Variants in PTPRM observed in about 807,000 individuals in gnomAD.
PTPRM encodes the protein protein tyrosine phosphatase receptor type M.
PTPRM carries 47 observed loss-of-function variants against 186.7 expected under a neutral mutation model. That is an observed-to-expected ratio of 0.25 (90% CI 0.20 to 0.32). The LOEUF is 0.32. PTPRM is among the 10% of genes least tolerant of loss of function. The pLI is 1.00. For synonymous variants in PTPRM, 668 were observed against 674.9 expected (o/e 0.99, Z 0.16); for missense variants, 1,494 against 1,865.0 (o/e 0.80, Z 3.66).
At chr18:8,406,007 A>T in intron 32 of PTPRM, 102 bp from the exon 33 acceptor site, 1 of 1,008,570 alleles carries the variant, frequency 9.9e-7, no homozygotes, top group South Asian at 1.3e-5. Context: ...AAATCCTCCC[A>T]GATTGATGTC....
At chr18:7,720,000 T>C (rs1258365891) in intron 1 of PTPRM, among the ~76,000 whole-genome samples, 1 of 152,068 alleles carries the variant, frequency 6.6e-6, no homozygotes, top group Admixed American at 6.6e-5. Flanking sequence ...AGAGTTTGAG[T>C]CTACCTGGGT....
At chr18:7,676,246 A>G (rs2039332680) in intron 1 of PTPRM, among the ~76,000 whole-genome samples, 1 of 152,086 alleles carries the variant, frequency 6.6e-6, no homozygotes, top group East Asian at 1.9e-4. Flanking sequence ...AAAATTATTT[A>G]TTGTTGCAAT....
chr18:8,045,016 A>T (rs912830020), intron 7 of PTPRM, among the ~76,000 whole-genome samples: 1 of 152,094 alleles, frequency 6.6e-6, no homozygotes, highest in Non-Finnish European at 1.5e-5. Context: ...GTACCCAAGA[A>T]TATACCTAGC....
chr18:7,891,490 A>C (rs1290274440), intron 3 of PTPRM, among the ~76,000 whole-genome samples: 1 of 152,166 alleles, frequency 6.6e-6, no homozygotes, highest in Non-Finnish European at 1.5e-5. Context: ...TGCTTTTTAT[A>C]TAAATGTACT....
intron 1 of PTPRM, among the ~76,000 whole-genome samples, chr18:7,769,881 G>C (rs749912414): frequency 2.0e-5 from 3 of 152,178 alleles, no homozygotes; most frequent in Non-Finnish European, 4.4e-5. Flanking sequence ...GTACACGTGT[G>C]TGTGTGAGAG....
chr18:7,930,063 TA>T (rs1465881806), intron 5 of PTPRM, among the ~76,000 whole-genome samples: 2 of 152,146 alleles, frequency 1.3e-5, no homozygotes, highest in Non-Finnish European at 2.9e-5. Context: ...TGTTTTTGAA[TA>T]TAATCATTTA....
At chr18:8,134,024 T>C (rs2092577987) in intron 13 of PTPRM, among the ~76,000 whole-genome samples, 1 of 152,214 alleles carries the variant, frequency 6.6e-6, no homozygotes, top group Non-Finnish European at 1.5e-5. Context: ...CTGACCTCTC[T>C]AGTGTCAGAT....
chr18:7,769,983 GTTTAGTCGTGA>G (rs1342650147), intron 1 of PTPRM, among the ~76,000 whole-genome samples: 3 of 152,082 alleles, frequency 2.0e-5, no homozygotes, highest in Non-Finnish European at 4.4e-5. Flanking sequence ...TATGACTTGG[GTTTAGTCGTGA>G]TTTAGTCGTG....
chr18:7,669,963 T>C (rs1302968394), intron 1 of PTPRM, among the ~76,000 whole-genome samples: 1 of 152,118 alleles, frequency 6.6e-6, no homozygotes, highest in Non-Finnish European at 1.5e-5. Context: ...AGGCTGGTCT[T>C]GAACTCCTGA....
chr18:8,242,032 G>A (rs2094438331), intron 14 of PTPRM, among the ~76,000 whole-genome samples: 1 of 152,108 alleles, frequency 6.6e-6, no homozygotes, highest in African/African-American at 2.4e-5. Context: ...TACAAGCATA[G>A]CTTTTATTGG....
chr18:7,640,306 T>G (rs958808250), intron 1 of PTPRM, among the ~76,000 whole-genome samples: 8 of 152,198 alleles, frequency 5.3e-5, no homozygotes, highest in African/African-American at 1.9e-4. Flanking sequence ...TCATTCCAAA[T>G]TATCTGATAG....
In PTPRM at chr18:8,202,774, T is replaced by A. The variant is rs1263420356; in HGVS notation, c.2301-41284T>A. Among the ~76,000 whole-genome samples, 7 of 152,188 alleles carry A rather than the reference T, an allele frequency of 4.6e-5. 1 individual carries two copies. The highest frequency in any genetic ancestry group is 4.1e-4 in the South Asian group (2 of 4,824). ...TTTTTCTCCTTGACTCTGTCTCGATTGTCCTGTTCTCTCTCACCTCCTAGG... is the reference window on the plus strand; with the variant it reads ...TTTTTCTCCTTGACTCTGTCTCGATAGTCCTGTTCTCTCTCACCTCCTAGG... On this transcript the variant is annotated intron_variant, in intron 14 of 32. Coordinates refer to ENST00000580170, the MANE Select transcript of PTPRM (RefSeq NM_001105244.2).
At chr18:7,726,162 A>T (rs1395505340) in intron 1 of PTPRM, among the ~76,000 whole-genome samples, 2 of 152,020 alleles carry the variant, frequency 1.3e-5, no homozygotes, top group Non-Finnish European at 2.9e-5. Flanking sequence ...AGTGCACTCC[A>T]TTTCCCGCCT....
intron 19 of PTPRM, among the ~76,000 whole-genome samples, chr18:8,254,482 G>A (rs1164552616): frequency 6.6e-6 from 1 of 152,164 alleles, no homozygotes; most frequent in Non-Finnish European, 1.5e-5. Flanking sequence ...AAAGTAGCAT[G>A]CTTACTCAGA....
intron 2 of PTPRM, among the ~76,000 whole-genome samples, chr18:7,775,415 C>T (rs78422137): frequency 0.041 from 6,179 of 152,206 alleles, 180 homozygotes; most frequent in Middle Eastern, 0.075. Context: ...AGTTGCTTTT[C>T]CAAATTCCAG....
chr18:8,212,206 AG>A lies in PTPRM; in HGVS notation c.2301-31851del, dbSNP rs1385820325. Among the ~76,000 whole-genome samples the A allele has an allele frequency of 9.2e-5, 14 of 152,296 alleles. No individual in the cohort carries two copies. In the South Asian group the frequency reaches 2.9e-3, roughly 32 times the overall value. On this transcript the variant is annotated intron_variant, in intron 14 of 32. Transcript: ENST00000580170. ...GACCAAGATGGCTTCCAAGAGGAAA[AG>A]TCTTAAAGCATGAACGGAAATTTGG...
chr18:8,088,028 A>G (rs550460737), intron 10 of PTPRM, among the ~76,000 whole-genome samples: 3 of 152,284 alleles, frequency 2.0e-5, no homozygotes, highest in African/African-American at 2.4e-5. Context: ...GAGAACTAAC[A>G]TTTGTAGAAT....
At chr18:7,577,095 A>G (rs1310574350) in intron 1 of PTPRM, among the ~76,000 whole-genome samples, 2 of 151,900 alleles carry the variant, frequency 1.3e-5, no homozygotes, top group Non-Finnish European at 2.9e-5. Flanking sequence ...TTTTTTTCCT[A>G]CTTCCTATCA....
intron 1 of PTPRM, among the ~76,000 whole-genome samples, chr18:7,638,711 T>G (rs2144151699): frequency 6.6e-6 from 1 of 152,364 alleles, no homozygotes; most frequent in Admixed American, 6.5e-5. Context: ...TTAGTTCTTA[T>G]GCTAATTTTA....
Sources: gnomAD v4.1 joint callset for allele counts (sites outside exome capture counted in the v4.1 genomes callset) on GRCh38, gnomAD v4.1.1 for gene constraint, MANE v1.5 for transcripts, NCBI Gene and HGNC (gene_info 2026-07-23, HGNC 2026-07-21) for gene names.